The following PIK3C2G variants were observed in gnomAD, a reference collection of about 807,000 sequenced individuals.
The protein encoded by PIK3C2G is phosphatidylinositol 3-kinase C2 domain-containing subunit gamma.
A neutral mutation model predicts 181.1 loss-of-function variants in PIK3C2G; 168 were observed. The observed-to-expected ratio is 0.93, with a 90% confidence interval of 0.82 to 1.05. The LOEUF (loss-of-function observed/expected upper bound fraction) is 1.05. PIK3C2G is among the 50% of genes least tolerant of loss of function. The pLI, the probability that PIK3C2G is intolerant of heterozygous loss-of-function variation, is 0.00. For missense variants in PIK3C2G, 1,869 were observed against 1,732.8 expected, an observed-to-expected ratio of 1.08 and a Z score of -1.40; for synonymous variants, 573 against 592.2, an observed-to-expected ratio of 0.97 and a Z score of 0.47.
At chr12:18,357,995 C>T (rs1474160218) in intron 11 of PIK3C2G, among the ~76,000 whole-genome samples, 1 of 152,000 alleles carries the variant, frequency 6.6e-6, no homozygotes. Context: ...ATCTATTCAC[C>T]CACTGGTGAA....
the PIK3C2G span, among the ~76,000 whole-genome samples, chr12:18,673,482 G>T: frequency 6.6e-6 from 1 of 152,070 alleles, no homozygotes; most frequent in Non-Finnish European, 1.5e-5. Flanking sequence ...CAAGGAAAAA[G>T]CCAAAAATGA....
Position 18,392,969 on chromosome 12 carries a change from T to G in PIK3C2G, c.2126+1717T>G, listed in dbSNP as rs77337985. 8.9e-3 allele frequency among the ~76,000 whole-genome samples: 1,349 copies of G among 152,236 alleles called. 18 individuals carry two copies. The highest frequency in any genetic ancestry group is 0.031 in the African/African-American group (1,272 of 41,564). ...CTAGACTATTGTCATCTTAACTAGA[T>G]GAAGCATCTTTTTCTGTCTTACTTG... On this transcript the variant is annotated intron_variant, in intron 15 of 32. Coordinates refer to ENST00000538779, the MANE Select transcript of PIK3C2G (RefSeq NM_001288772.2).
chr12:18,685,913 A>G, the PIK3C2G span, among the ~76,000 whole-genome samples: 1 of 151,672 alleles, frequency 6.6e-6, no homozygotes, highest in Non-Finnish European at 1.5e-5. Flanking sequence ...CCTCACTTTC[A>G]GTTGTCAACA....
intron 32 of PIK3C2G, among the ~76,000 whole-genome samples, chr12:18,644,672 G>C (rs1438211537): frequency 6.6e-6 from 1 of 152,034 alleles, no homozygotes; most frequent in Non-Finnish European, 1.5e-5. Flanking sequence ...AATTGTATTT[G>C]TAAGTGAAGA....
intron 28 of PIK3C2G, among the ~76,000 whole-genome samples, chr12:18,565,913 A>T (rs1205401611): frequency 6.6e-6 from 1 of 152,274 alleles, no homozygotes; most frequent in Middle Eastern, 3.4e-3. Flanking sequence ...AAAACTATGC[A>T]TATATGGATA....
chr12:18,300,351 A>T (rs1191634239), intron 5 of PIK3C2G, among the ~76,000 whole-genome samples: 1 of 151,980 alleles, frequency 6.6e-6, no homozygotes, highest in African/African-American at 2.4e-5. Context: ...TGCTGAATTG[A>T]TCCCACTGTT....
intron 14 of PIK3C2G, among the ~76,000 whole-genome samples, chr12:18,384,553 A>T (rs1943049625): frequency 6.6e-6 from 1 of 152,214 alleles, no homozygotes; most frequent in African/African-American, 2.4e-5. Context: ...ATATAAATTC[A>T]TGATTTTAAG....
At chr12:18,611,153 A>G (rs1266172634) in intron 31 of PIK3C2G, among the ~76,000 whole-genome samples, 1 of 152,124 alleles carries the variant, frequency 6.6e-6, no homozygotes, top group African/African-American at 2.4e-5. Context: ...TTCAAAGTGA[A>G]TGTCATGCAA....
intron 5 of PIK3C2G, among the ~76,000 whole-genome samples, chr12:18,303,564 G>C (rs1950300369): frequency 6.6e-6 from 1 of 152,216 alleles, no homozygotes; most frequent in Non-Finnish European, 1.5e-5. Flanking sequence ...CTCATCTCCA[G>C]TGATCAGCCC....
chr12:18,389,974 T>C (rs1489138533), intron 14 of PIK3C2G, among the ~76,000 whole-genome samples: 5 of 152,182 alleles, frequency 3.3e-5, no homozygotes, highest in African/African-American at 1.2e-4. Context: ...GCATGTAACT[T>C]GCTCGTACTG....
chr12:18,515,259 A>G (rs1245387738), intron 24 of PIK3C2G, among the ~76,000 whole-genome samples: 1 of 151,878 alleles, frequency 6.6e-6, no homozygotes, highest in Non-Finnish European at 1.5e-5. Context: ...GTTTGGAATG[A>G]TTCTCCGCTT....
At chr12:18,605,879 T>TA (rs1947989005) in intron 30 of PIK3C2G, among the ~76,000 whole-genome samples, 1 of 152,170 alleles carries the variant, frequency 6.6e-6, no homozygotes, top group Admixed American at 6.5e-5. Flanking sequence ...GGAGATCACT[T>TA]AAACCTGCAC....
At chr12:18,360,052 T>G (rs758671686) in intron 11 of PIK3C2G, among the ~76,000 whole-genome samples, 2 of 152,180 alleles carry the variant, frequency 1.3e-5, no homozygotes, top group Non-Finnish European at 2.9e-5. Flanking sequence ...CCTCTCTGGC[T>G]GTGTATTTTT....
At chr12:18,605,852 T>G (rs1157278261) in intron 30 of PIK3C2G, among the ~76,000 whole-genome samples, 1 of 152,142 alleles carries the variant, frequency 6.6e-6, no homozygotes, top group Non-Finnish European at 1.5e-5. Flanking sequence ...AACCAGGCGC[T>G]TATAAACACA....
chr12:18,365,292 T>C (rs1171572703), intron 12 of PIK3C2G, among the ~76,000 whole-genome samples: 1 of 152,246 alleles, frequency 6.6e-6, no homozygotes, highest in Non-Finnish European at 1.5e-5. Context: ...TAACAACCTC[T>C]ATTCTGCTCC....
chr12:18,247,621 A>C (rs960702416), exon 1 of PIK3C2G: 22 of 152,304 alleles, frequency 1.4e-4, no homozygotes, highest in African/African-American at 5.3e-4. Context: ...TACATAGGGC[A>C]GGCAAGGGGA....
intron 25 of PIK3C2G, among the ~76,000 whole-genome samples, chr12:18,540,958 A>T (rs999470937): frequency 6.6e-6 from 1 of 151,910 alleles, no homozygotes; most frequent in Admixed American, 6.6e-5. Flanking sequence ...GCATTTAGTG[A>T]AAGTTTCAGG....
chr12:18,314,172 CAT>C (rs528992016), intron 6 of PIK3C2G, 108 bp downstream of exon 6: 148 of 602,170 alleles, frequency 2.5e-4, no homozygotes, highest in African/African-American at 5.6e-4. Context: ...TTAATTAATA[CAT>C]GTTTATTTAA....
intron 18 of PIK3C2G, among the ~76,000 whole-genome samples, chr12:18,459,410 C>A (rs1162510033): frequency 6.6e-6 from 1 of 152,090 alleles, no homozygotes; most frequent in Non-Finnish European, 1.5e-5. Flanking sequence ...TGTTAGGAAG[C>A]AATTAATTAT....
Sources: gnomAD v4.1 joint callset for allele counts (sites outside exome capture counted in the v4.1 genomes callset) on GRCh38, gnomAD v4.1.1 for gene constraint, MANE v1.5 for transcripts, NCBI Gene and HGNC (gene_info 2026-07-23, HGNC 2026-07-21) for gene names.